Variants in TP63 observed in about 807,000 individuals in gnomAD.
The protein encoded by TP63 is tumor protein p63.
TP63 carries 17 observed loss-of-function variants against 82.8 expected under a neutral mutation model. The observed-to-expected ratio is 0.21, with a 90% CI of 0.14 to 0.31. The LOEUF (loss-of-function observed/expected upper bound fraction) is 0.31. Ranked by LOEUF, TP63 falls within the 10% of genes least tolerant of loss-of-function variation. TP63 has a pLI of 1.00. For synonymous variants in TP63, 330 were observed against 321.7 expected (o/e 1.03, Z -0.28); for missense variants, 648 against 895.3 (o/e 0.72, Z 3.52).
chr3:189,638,398 A>G (rs1379471837), intron 1 of TP63, among the ~76,000 whole-genome samples: 3 of 152,142 alleles, frequency 2.0e-5, no homozygotes, highest in Non-Finnish European at 4.4e-5. Context: ...ACAAGGTACA[A>G]GGTGGGGCTG....
chr3:189,837,462 AT>A (rs1401653837), intron 4 of TP63, among the ~76,000 whole-genome samples: 1 of 152,198 alleles, frequency 6.6e-6, no homozygotes, highest in African/African-American at 2.4e-5. Context: ...AAATTAAGAA[AT>A]TTTAAATTTA....
At chr3:189,829,232 C>T (rs531208270) in intron 4 of TP63, among the ~76,000 whole-genome samples, 1 of 152,180 alleles carries the variant, frequency 6.6e-6, no homozygotes, top group Non-Finnish European at 1.5e-5. Context: ...AGACCCAAGA[C>T]CCAACCATCT....
chr3:189,764,807 T>C (rs1477015280), intron 3 of TP63, among the ~76,000 whole-genome samples: 1 of 152,132 alleles, frequency 6.6e-6, no homozygotes, highest in South Asian at 2.1e-4. Context: ...TATTTTAAAA[T>C]CTCATTTTTG....
the TP63 span, among the ~76,000 whole-genome samples, chr3:189,597,711 G>A: frequency 6.6e-6 from 1 of 152,114 alleles, no homozygotes; most frequent in South Asian, 2.1e-4. Flanking sequence ...AATTGCTTGA[G>A]TTCAGGAGTT....
intron 6 of TP63, among the ~76,000 whole-genome samples, chr3:189,867,107 C>T (rs748681603): frequency 5.3e-5 from 8 of 152,014 alleles, no homozygotes; most frequent in African/African-American, 1.5e-4. Flanking sequence ...GGCAGTTGGA[C>T]GGGTAGTGGA....
At chr3:189,819,123 A>G (rs940235805) in intron 4 of TP63, among the ~76,000 whole-genome samples, 1 of 152,204 alleles carries the variant, frequency 6.6e-6, no homozygotes, top group African/African-American at 2.4e-5. Context: ...AACTTTTTCT[A>G]TATTCCCATA....
At chr3:189,649,236 G>T (rs993449979) in intron 1 of TP63, among the ~76,000 whole-genome samples, 1 of 146,774 alleles carries the variant, frequency 6.8e-6, no homozygotes, top group Admixed American at 6.7e-5. Flanking sequence ...CAAAGAAATG[G>T]AATCAACATA....
intron 11 of TP63, 101 bp downstream of exon 11, chr3:189,886,652 A>G (rs1391420426): frequency 1.3e-6 from 2 of 1,514,802 alleles, no homozygotes; most frequent in African/African-American, 2.7e-5. Flanking sequence ...AATGAGAGAC[A>G]CAGTGGGACA....
In TP63 at chr3:189,737,732, C is replaced by A. The variant is rs1472138894; in HGVS notation, c.63-8C>A. ...GTATAATACTAGTTTCATTTTTGTC[C>A]TTTTAAGTTTCGTAGAAACCCCAGC... On this transcript the variant is annotated splice_polypyrimidine_tract_variant and splice_region_variant and intron_variant, in intron 1 of 13. Transcript: ENST00000264731. The A allele has an allele frequency of 6.2e-7, 1 of 1,613,578 alleles. No homozygotes were observed. The highest frequency in any genetic ancestry group is 1.1e-5 in the South Asian group (1 of 91,058).
chr3:189,880,282 G>A (rs1719770186), intron 10 of TP63: 2 of 1,375,890 alleles, frequency 1.5e-6, no homozygotes, highest in Admixed American at 5.4e-5. Flanking sequence ...TCATAAACAG[G>A]ACTTGAAGAC....
intron 3 of TP63, among the ~76,000 whole-genome samples, chr3:189,760,158 CT>C (rs1184532116): frequency 7.2e-5 from 11 of 152,264 alleles, no homozygotes; most frequent in African/African-American, 2.4e-4. Context: ...CATTCCACCC[CT>C]GGCCCCTCTC....
At chr3:189,853,699 T>C (rs1455352211) in intron 4 of TP63, among the ~76,000 whole-genome samples, 1 of 152,246 alleles carries the variant, frequency 6.6e-6, no homozygotes, top group Non-Finnish European at 1.5e-5. Context: ...TATCACTATC[T>C]GACATAGTAG....
chr3:189,873,302 A>T, intron 10 of TP63: 1 of 441,170 alleles, frequency 2.3e-6, no homozygotes, highest in Non-Finnish European at 4.2e-6. Flanking sequence ...AACAGTAAGT[A>T]CACACTCTAT....
chr3:189,639,473 A>G (rs1208497686), intron 1 of TP63, among the ~76,000 whole-genome samples: 2 of 152,132 alleles, frequency 1.3e-5, no homozygotes, highest in African/African-American at 2.4e-5. Flanking sequence ...CTTATGGTGA[A>G]TTAGATTATT....
intron 4 of TP63, among the ~76,000 whole-genome samples, chr3:189,860,290 CTTGAA>C (rs1560269134): frequency 6.6e-6 from 1 of 152,162 alleles, no homozygotes; most frequent in East Asian, 1.9e-4. Context: ...TTTCTGCTGA[CTTGAA>C]TCATCAGGGT....
At chr3:189,864,569 T>C (rs937590656) in intron 5 of TP63, 151 bp downstream of exon 5, 5 of 695,058 alleles carry the variant, frequency 7.2e-6, no homozygotes, top group African/African-American at 2.0e-5. Context: ...TTTTTTTGGC[T>C]GACAGTATCT....
At chr3:189,886,344 C>T (rs376792196) in intron 10 of TP63, 50 bp from the exon 11 acceptor site, 168 of 1,591,846 alleles carry the variant, frequency 1.1e-4, no homozygotes, top group Non-Finnish European at 1.4e-4. Context: ...CAATAGTCCC[C>T]ACTCTTCAGT....
chr3:189,642,279 G>T (rs1476943107), intron 1 of TP63, among the ~76,000 whole-genome samples: 1 of 152,124 alleles, frequency 6.6e-6, no homozygotes, highest in Non-Finnish European at 1.5e-5. Context: ...CTCAACGTTT[G>T]ATTTTGTATT....
chr3:189,811,071 A>G, intron 4 of TP63, among the ~76,000 whole-genome samples: 1 of 152,166 alleles, frequency 6.6e-6, no homozygotes, highest in East Asian at 1.9e-4. Flanking sequence ...GACAAAAGGG[A>G]TACACTGTGG....
Sources: gnomAD v4.1 joint callset for allele counts (sites outside exome capture counted in the v4.1 genomes callset) on GRCh38, gnomAD v4.1.1 for gene constraint, MANE v1.5 for transcripts, NCBI Gene and HGNC (gene_info 2026-07-23, HGNC 2026-07-21) for gene names.